EMSY: variants seen among roughly 807,000 people sequenced by gnomAD.
EMSY encodes the protein BRCA2-interacting transcriptional repressor EMSY.
Under a neutral mutation model 134.6 loss-of-function variants are expected in EMSY, and 26 were observed. The ratio of observed to expected loss-of-function variants is 0.19; its 90% CI spans 0.14 to 0.27. EMSY has a LOEUF of 0.27. Ranked by LOEUF, EMSY falls within the 10% of genes least tolerant of loss-of-function variation. The probability of loss-of-function intolerance (pLI) is 1.00; values close to 1 mark genes in which losing one functional copy is unlikely to be tolerated. For synonymous variants in EMSY, 579 were observed against 577.8 expected, an observed-to-expected ratio of 1.00 and a Z score of -0.03; for missense variants, 1,305 against 1,611.4, an observed-to-expected ratio of 0.81 and a Z score of 3.26.
At chr11:76,452,738 CATAAT>C (rs1947718614) in intron 3 of EMSY, among the ~76,000 whole-genome samples, 1 of 152,080 alleles carries the variant, frequency 6.6e-6, no homozygotes, top group Admixed American at 6.5e-5. Context: ...CCATTGGTAA[CATAAT>C]GTAATGTAGA....
chr11:76,498,749 A>G (rs927240596), intron 9 of EMSY, among the ~76,000 whole-genome samples: 3 of 152,350 alleles, frequency 2.0e-5, no homozygotes, highest in South Asian at 2.1e-4. Context: ...ATAGAGAACT[A>G]TACTGACTGG....
chr11:76,488,189 A>G (rs4421765), intron 8 of EMSY, among the ~76,000 whole-genome samples: 129,601 of 152,224 alleles, frequency 0.85, 56,482 homozygotes, highest in South Asian at 0.96. Flanking sequence ...ATTTAGGCTG[A>G]GTGCATTGGC....
In EMSY at chr11:76,456,134, C is replaced by T. The variant is rs544555155; in HGVS notation, c.246-2049C>T. 2.0e-5 allele frequency among the ~76,000 whole-genome samples: 3 copies of T among 152,200 alleles called. No individual in the cohort carries two copies. In the South Asian group the frequency reaches 6.2e-4, roughly 32 times the overall value. Reference sequence around the variant, plus strand: ...CACTAAAGTATCTCAGTGAAGCCCTCCAGGAAGATGTTTAGTCTATAAAAT... The same window carrying T: ...CACTAAAGTATCTCAGTGAAGCCCTTCAGGAAGATGTTTAGTCTATAAAAT... On this transcript the variant is annotated intron_variant, in intron 4 of 20. Coordinates refer to ENST00000334736, the Ensembl canonical transcript of EMSY.
chr11:76,544,918 C>T (rs1189728759), intron 19 of EMSY, 96 bp downstream of exon 20: 2 of 1,352,014 alleles, frequency 1.5e-6, no homozygotes, highest in African/African-American at 1.5e-5. Flanking sequence ...AGTGCTTTCT[C>T]CTGGCAAGAG....
intron 11 of EMSY, among the ~76,000 whole-genome samples, chr11:76,520,596 G>A (rs2136236083): frequency 1.3e-5 from 2 of 152,260 alleles, no homozygotes; most frequent in South Asian, 4.1e-4. Context: ...TGGAAAAACA[G>A]TTGTGAAGCT....
exon 20 of EMSY, chr11:76,546,209 C>T (rs1229382719): frequency 6.2e-7 from 1 of 1,614,032 alleles, no homozygotes; most frequent in Non-Finnish European, 8.5e-7. Flanking sequence ...ATTGATCCAC[C>T]AGCAGTGCCT....
chr11:76,513,616 C>T, intron 10 of EMSY, 81 bp downstream of exon 11: 1 of 1,461,884 alleles, frequency 6.8e-7, no homozygotes, highest in Non-Finnish European at 9.4e-7. Context: ...ATGCTTGACA[C>T]TTGGGATATA....
chr11:76,525,330 A>G (rs1950807009), intron 12 of EMSY, among the ~76,000 whole-genome samples: 1 of 152,224 alleles, frequency 6.6e-6, no homozygotes, highest in Non-Finnish European at 1.5e-5. Context: ...TTAAGTAATT[A>G]CAGCAGATAG....
chr11:76,488,358 C>T (rs1421248764), intron 8 of EMSY, among the ~76,000 whole-genome samples: 4 of 152,056 alleles, frequency 2.6e-5, no homozygotes, highest in Admixed American at 6.6e-5. Context: ...CGTAGCTACT[C>T]GGGAAGCCTG....
At chr11:76,467,991 A>T (rs10710701) in intron 7 of EMSY, among the ~76,000 whole-genome samples, 4 of 141,548 alleles carry the variant, frequency 2.8e-5, no homozygotes, top group African/African-American at 1.0e-4. Flanking sequence ...AAAAAAAAAA[A>T]CAAAAAAAAA....
At chr11:76,513,309 A>T in intron 9 of EMSY, 77 bp from the exon 11 acceptor site, 1 of 1,395,150 alleles carries the variant, frequency 7.2e-7, no homozygotes, top group Non-Finnish European at 9.7e-7. Context: ...GTGTGTGACT[A>T]CTGCCCTCTT....
chr11:76,533,979 G>T (rs1288346694), intron 14 of EMSY, among the ~76,000 whole-genome samples: 2 of 152,134 alleles, frequency 1.3e-5, no homozygotes, highest in African/African-American at 4.8e-5. Context: ...GTGTCACAGG[G>T]TTGCTACAGT....
At chr11:76,483,200 GC>G (rs1262165926) in intron 8 of EMSY, among the ~76,000 whole-genome samples, 1 of 152,178 alleles carries the variant, frequency 6.6e-6, no homozygotes, top group Non-Finnish European at 1.5e-5. Context: ...ACAAGCAAAT[GC>G]TGAGAGATTT....
intron 5 of EMSY, chr11:76,458,923 T>A (rs1397433314): frequency 6.6e-6 from 1 of 152,196 alleles, no homozygotes; most frequent in African/African-American, 2.4e-5. Flanking sequence ...ATATTTGGAT[T>A]GACTCAAGTA....
chr11:76,540,431 T>C (rs1039923368), intron 17 of EMSY, among the ~76,000 whole-genome samples: 6 of 152,224 alleles, frequency 3.9e-5, no homozygotes, highest in African/African-American at 1.4e-4. Flanking sequence ...GAAGATTTTA[T>C]TAACTCACGT....
Position 76,496,102 on chromosome 11 carries a change from G to C in EMSY, c.1109-113G>C, listed in dbSNP as rs985984124. The C allele has an allele frequency of 6.0e-6, 7 of 1,171,074 alleles. No homozygotes were observed. The African/African-American group carries it at 1.1e-4, about 18-fold the overall frequency. The allele number at this position is 1,171,074 out of a possible 1,614,324, so 72.5% of individuals were successfully genotyped here. A position where few individuals can be genotyped will look rare whatever the true frequency, so the allele number is the denominator to read the frequency against. ...ACACTTACTAGGTGCTCAATAAATT[G>C]TACTTTTTGTTGATTTCCCTATTCT... On this transcript the variant is annotated intron_variant, in intron 8 of 20. Transcript: ENST00000334736.
intron 8 of EMSY, among the ~76,000 whole-genome samples, chr11:76,494,090 A>G (rs1277620563): frequency 6.6e-6 from 1 of 152,262 alleles, no homozygotes; most frequent in East Asian, 1.9e-4. Context: ...GCAGCCTCGC[A>G]TGGAGCTTGG....
chr11:76,445,979 G>T (rs1474495722), intron 1 of EMSY, among the ~76,000 whole-genome samples: 3 of 152,200 alleles, frequency 2.0e-5, no homozygotes, highest in Non-Finnish European at 4.4e-5. Flanking sequence ...GGAGTTAGCA[G>T]CCCCAGCGCC....
intron 9 of EMSY, among the ~76,000 whole-genome samples, chr11:76,504,028 C>T (rs935578859): frequency 1.3e-5 from 2 of 151,872 alleles, no homozygotes; most frequent in African/African-American, 4.8e-5. Context: ...TCAAGTGATC[C>T]ACCTACCTTG....
Sources: gnomAD v4.1 joint callset for allele counts (sites outside exome capture counted in the v4.1 genomes callset) on GRCh38, gnomAD v4.1.1 for gene constraint, MANE v1.5 for transcripts, NCBI Gene and HGNC (gene_info 2026-07-23, HGNC 2026-07-21) for gene names.